TBL1X: variants seen among roughly 807,000 people sequenced by gnomAD.
TBL1X encodes the protein F-box-like/WD repeat-containing protein TBL1X.
In TBL1X, 10 loss-of-function variants were observed where a neutral mutation model predicts 50.7. The observed-to-expected ratio is 0.20, with a 90% CI of 0.12 to 0.33. The LOEUF (loss-of-function observed/expected upper bound fraction) is 0.33, where lower values mean the gene tolerates loss of function less well. Ranked by LOEUF, TBL1X falls within the 10% of genes least tolerant of loss-of-function variation. The probability of loss-of-function intolerance (pLI) is 1.00; values close to 1 mark genes in which losing one functional copy is unlikely to be tolerated. For synonymous variants in TBL1X, 190 were observed against 214.7 expected, an observed-to-expected ratio of 0.88 and a Z score of 1.01; for missense variants, 340 against 504.4, an observed-to-expected ratio of 0.67 and a Z score of 3.12.
chrX:9,493,305 A>G (rs1247037279), intron 1 of TBL1X, among the ~76,000 whole-genome samples: 1 of 111,777 alleles, frequency 8.9e-6, no homozygotes, highest in African/African-American at 3.3e-5. Flanking sequence ...CAGGAAGTCT[A>G]ACTTCTTGCA....
chrX:9,495,111 A>G (rs2081964840), intron 1 of TBL1X, among the ~76,000 whole-genome samples: 1 of 111,279 alleles, frequency 9.0e-6, no homozygotes, highest in Admixed American at 9.6e-5. Flanking sequence ...TCTGTCCCTC[A>G]TTGCCTGCAG....
At chrX:9,484,283 G>A (rs982710592) in intron 1 of TBL1X, among the ~76,000 whole-genome samples, 1 of 111,041 alleles carries the variant, frequency 9.0e-6, no homozygotes. Context: ...GGATTACTAC[G>A]GGTGTGAGCC....
intron 11 of TBL1X, among the ~76,000 whole-genome samples, chrX:9,693,986 C>T (rs1372483893): frequency 1.8e-5 from 2 of 111,301 alleles, no homozygotes; most frequent in African/African-American, 3.3e-5. Flanking sequence ...ACTCCAGGTG[C>T]ATGTAAAAGC....
chrX:9,470,124 C>T (rs1041925161), intron 1 of TBL1X, among the ~76,000 whole-genome samples: 1 of 112,012 alleles, frequency 8.9e-6, no homozygotes, highest in Admixed American at 9.4e-5. Flanking sequence ...TTTCTGGATA[C>T]GTAGGTGTAT....
At chrX:9,607,416 G>C (rs1269146549) in intron 2 of TBL1X, among the ~76,000 whole-genome samples, 1 of 113,404 alleles carries the variant, frequency 8.8e-6, no homozygotes, top group Middle Eastern at 4.2e-3. Context: ...TGCTGGCACC[G>C]CCTCACCCTG....
chrX:9,679,306 G>T (rs769877159), intron 5 of TBL1X, among the ~76,000 whole-genome samples: 8 of 110,516 alleles, frequency 7.2e-5, no homozygotes, highest in Non-Finnish European at 1.5e-4. Context: ...GTGGGTAGAG[G>T]CCGGGGGTGC....
Position 9,615,090 on chromosome X carries a change from A to G in TBL1X, c.-130-25183A>G, listed in dbSNP as rs137878884. 5.4e-5 allele frequency among the ~76,000 whole-genome samples: 6 copies of G among 111,727 alleles called. No homozygotes were observed. The East Asian group carries it at 1.7e-3, about 31-fold the overall frequency. On this transcript the variant is annotated intron_variant, in intron 2 of 17. Coordinates refer to ENST00000645353, the MANE Select transcript of TBL1X (RefSeq NM_005647.4). ...GCTAGGGTACAAGCACTCTGGGGTT[A>G]CCTGGGTTCCTGACCAGGACATCAC...
At position 9,533,673 on chromosome X, in the gene TBL1X, G is replaced by A. The variant is rs747711878; in HGVS notation, c.-131+31824G>A. On this transcript the variant is annotated intron_variant, in intron 2 of 17. Transcript: ENST00000645353. ...GACCCCAAGTAAAGAAAGGCACAGT[G>A]ATGGTGGGTATTCGTGCAGTGTTTT... Among the ~76,000 whole-genome samples, 17 of 111,217 alleles carry A rather than the reference G, an allele frequency of 1.5e-4. 2 individuals carry two copies. The South Asian group carries it at 6.0e-3, about 40-fold the overall frequency.
At chrX:9,699,104 C>T in intron 12 of TBL1X, among the ~76,000 whole-genome samples, 1 of 111,709 alleles carries the variant, frequency 9.0e-6, no homozygotes, top group Non-Finnish European at 1.9e-5. Context: ...CCTCAGCCTC[C>T]CGAGTAGCTG....
At chrX:9,576,578 T>A (rs1225200462) in intron 2 of TBL1X, among the ~76,000 whole-genome samples, 1 of 110,545 alleles carries the variant, frequency 9.0e-6, no homozygotes, top group Non-Finnish European at 1.9e-5. Flanking sequence ...GGTGAACACC[T>A]TCTTTCTTGA....
At chrX:9,498,680 T>C (rs2081985035) in intron 1 of TBL1X, among the ~76,000 whole-genome samples, 1 of 112,568 alleles carries the variant, frequency 8.9e-6, no homozygotes, top group African/African-American at 3.2e-5. Context: ...GCCTGGCTAC[T>C]CCTTGAGTTC....
At chrX:9,567,528 C>G (rs1055148427) in intron 2 of TBL1X, among the ~76,000 whole-genome samples, 2 of 111,932 alleles carry the variant, frequency 1.8e-5, no homozygotes, top group African/African-American at 6.5e-5. Context: ...AGGGTTAAGT[C>G]TGCCCCAGCT....
chrX:9,593,903 C>G (rs928630806), intron 2 of TBL1X, among the ~76,000 whole-genome samples: 1 of 111,845 alleles, frequency 8.9e-6, no homozygotes, highest in Non-Finnish European at 1.9e-5. Context: ...CCCTCCACTG[C>G]AAGGGGGAGA....
chrX:9,676,485 C>T (rs1006109638), intron 5 of TBL1X, among the ~76,000 whole-genome samples: 2 of 112,600 alleles, frequency 1.8e-5, no homozygotes, highest in East Asian at 2.8e-4. Flanking sequence ...CTGGTCTGCG[C>T]TTGTCAGCGG....
At chrX:9,469,351 TG>T (rs1473749129) in intron 1 of TBL1X, among the ~76,000 whole-genome samples, 1 of 110,845 alleles carries the variant, frequency 9.0e-6, no homozygotes, top group Non-Finnish European at 1.9e-5. Flanking sequence ...TTAGTAGAGG[TG>T]GGGTTTCACC....
At chrX:9,588,684 A>G (rs1435227518) in intron 2 of TBL1X, among the ~76,000 whole-genome samples, 1 of 108,911 alleles carries the variant, frequency 9.2e-6, no homozygotes, top group African/African-American at 3.4e-5. Flanking sequence ...GCTCACTGCA[A>G]CCACCGCTTT....
chrX:9,688,766 C>T (rs1233522568), intron 7 of TBL1X, among the ~76,000 whole-genome samples: 1 of 112,900 alleles, frequency 8.9e-6, no homozygotes, highest in African/African-American at 3.2e-5. Flanking sequence ...TGTGGCCAGT[C>T]AGAGAGCCCA....
At position 9,709,763 on chromosome X, in the gene TBL1X, A is replaced by G. The variant is rs2083233577; in HGVS notation, c.1439+3A>G. The G allele has an allele frequency of 2.9e-5, 35 of 1,206,452 alleles. No homozygotes were observed. The highest frequency in any genetic ancestry group is 3.8e-5 in the Non-Finnish European group (34 of 893,132). ...AACTCCAACATCATGTTGGCAAGGT[A>G]AGGGCAGGCAACACAGCTGGCACAG... is the stretch of plus-strand genomic sequence containing the variant. On this transcript the variant is annotated splice_donor_region_variant and intron_variant, in intron 15 of 17. Coordinates refer to ENST00000645353, the MANE Select transcript of TBL1X (RefSeq NM_005647.4).
chrX:9,642,274 T>C (rs2082779568), intron 3 of TBL1X, among the ~76,000 whole-genome samples: 1 of 111,764 alleles, frequency 8.9e-6, no homozygotes, highest in South Asian at 3.8e-4. Flanking sequence ...TTGTAGCCTT[T>C]GATAACTTGT....
Sources: allele counts gnomAD v4.1 joint callset (sites outside exome capture counted in the v4.1 genomes callset), GRCh38; gene constraint gnomAD v4.1.1; transcripts MANE v1.5; gene names NCBI Gene and HGNC (gene_info 2026-07-23, HGNC 2026-07-21).